Variants in TKFC observed in about 807,000 individuals in gnomAD.
TKFC encodes triokinase and FMN cyclase, also known as triokinase/FMN cyclase.
In TKFC, 46 loss-of-function variants were observed where a neutral mutation model predicts 61.0. The ratio of observed to expected loss-of-function variants is 0.75; its 90% CI spans 0.60 to 0.96. The LOEUF is 0.96. Ranked by LOEUF, TKFC falls within the 50% of genes least tolerant of loss-of-function variation. The pLI is 0.00. For missense variants in TKFC, 715 were observed against 777.5 expected, an observed-to-expected ratio of 0.92 and a Z score of 0.96; for synonymous variants, 314 against 330.1, an observed-to-expected ratio of 0.95 and a Z score of 0.53.
At chr11:61,343,562 T>C in intron 11 of TKFC, 104 bp downstream of exon 11, 4 of 1,093,046 alleles carry the variant, frequency 3.7e-6, no homozygotes, top group Non-Finnish European at 5.4e-6. Flanking sequence ...CAATCAGGGC[T>C]CTGGAGCCTG....
chr11:61,347,538 CAAAAAAAAAAAAA>C lies in TKFC; in HGVS notation c.*1045_*1057del. 4 of 876,508 alleles carry C rather than the reference CAAAAAAAAAAAAA, an allele frequency of 4.6e-6. No individual in the cohort carries two copies. Among genetic ancestry groups the C allele is most frequent in the South Asian group, 5.1e-5 (1 of 19,442 alleles). The allele number at this position is 876,508 out of a possible 1,614,324, so 54.3% of individuals were successfully genotyped here. ...TGGGCAACAAAGCGAGACCCTGTCT[CAAAAAAAAAAAAA>C]AAAAAAAAAGAAACTGCAGCCAAGC... On this transcript the variant is annotated 3_prime_UTR_variant, in exon 18 of 18. Coordinates refer to ENST00000394900, the MANE Select transcript of TKFC (RefSeq NM_015533.4).
At chr11:61,343,156 G>A (rs1400351172) in intron 10 of TKFC, 186 bp from the exon 11 acceptor site, 13 of 628,338 alleles carry the variant, frequency 2.1e-5, no homozygotes, top group Non-Finnish European at 2.8e-5. Flanking sequence ...CATCTTCCCC[G>A]ACGTAGGGGA....
chr11:61,343,625 A>C, intron 11 of TKFC, 167 bp downstream of exon 11: 8 of 851,418 alleles, frequency 9.4e-6, no homozygotes, highest in Non-Finnish European at 1.5e-5. Context: ...TCACTGGACT[A>C]GAAGGAGTTG....
Position 61,342,751 on chromosome 11 carries a change from G to C in TKFC, c.776-4G>C. 6.2e-7 allele frequency: 1 copy of C among 1,613,944 alleles called. No individual in the cohort carries two copies. The highest frequency in any genetic ancestry group is 8.5e-7 in the Non-Finnish European group (1 of 1,180,020). Reference sequence around the variant, plus strand: ...CTCACCTGGGGTGTCATGTCTACCCGCAGGCTCCTCAGTTGTGATGATGGT... The same window carrying C: ...CTCACCTGGGGTGTCATGTCTACCCCCAGGCTCCTCAGTTGTGATGATGGT... On this transcript the variant is annotated splice_region_variant and splice_polypyrimidine_tract_variant and intron_variant, in intron 9 of 17. Transcript: ENST00000394900.
intron 5 of TKFC, among the ~76,000 whole-genome samples, chr11:61,340,247 A>G (rs1856800737): frequency 6.6e-6 from 1 of 151,484 alleles, no homozygotes; most frequent in Admixed American, 6.6e-5. Context: ...CCTGACCTCA[A>G]GTGATCTGCC....
chr11:61,346,546 G>GT lies in TKFC; in HGVS notation c.*44dup. The stretch of plus-strand genomic sequence containing the variant: ...CTTGGCCTCAGCTCCTCTCACTGCT[G>GT]TGCTGAGGTGGCCTTTGTCACTTCC... On this transcript the variant is annotated 3_prime_UTR_variant, in exon 18 of 18. Coordinates refer to ENST00000394900, the MANE Select transcript of TKFC (RefSeq NM_015533.4). This position sits in a 1 kb window ranked among gnomAD's most constrained non-coding sequence, Gnocchi z 4.1. 6.7e-7 allele frequency: 1 copy of GT among 1,503,006 alleles called. No homozygotes were observed. The highest frequency in any genetic ancestry group is 8.9e-7 in the Non-Finnish European group (1 of 1,126,800). 93.1% of individuals were successfully genotyped at this position (1,503,006 alleles called of 1,614,324 possible).
Position 61,345,469 on chromosome 11 carries a change from G to A in TKFC, c.1355G>A (p.Gly452Asp). ...CGTTGTCATCTTCCCCAGCTCTATGGCCTGTTCCTGACTGCGGCTGCACAG... is the reference window on the plus strand; with the variant it reads ...CGTTGTCATCTTCCCCAGCTCTATGACCTGTTCCTGACTGCGGCTGCACAG... ...KMGGSSGALY[G>D]LFLTAAAQPL... Residue 452 changes from glycine (G) to aspartate (D), a missense_variant, in exon 15 of 18, where the codon GGC becomes GAC. Coordinates refer to ENST00000394900, the MANE Select transcript of TKFC (RefSeq NM_015533.4). 6.2e-7 allele frequency: 1 copy of A among 1,613,318 alleles called. No individual in the cohort carries two copies. The highest frequency in any genetic ancestry group is 8.5e-7 in the Non-Finnish European group (1 of 1,179,940).
intron 2 of TKFC, among the ~76,000 whole-genome samples, chr11:61,335,067 G>T (rs1372394553): frequency 6.6e-6 from 1 of 152,198 alleles, no homozygotes; most frequent in Non-Finnish European, 1.5e-5. Context: ...GAATCGTGAA[G>T]AATGACCATG....
rs775704737 is a variant in TKFC at position 61,334,687 on chromosome 11, G to A, written c.-42G>A. The A allele has an allele frequency of 1.9e-6, 3 of 1,613,878 alleles. No homozygotes were observed. The African/African-American group carries it at 4.0e-5, about 22-fold the overall frequency. On this transcript the variant is annotated 5_prime_UTR_variant, in exon 2 of 18. It adds an upstream start codon to the 5' untranslated region. Coordinates refer to ENST00000394900, the MANE Select transcript of TKFC (RefSeq NM_015533.4). ...GGATTGTCCATCCTCCAGCAGCTCAGTGCAACGGTGTGAACTCAGCCTGTT... is the reference window on the plus strand; with the variant it reads ...GGATTGTCCATCCTCCAGCAGCTCAATGCAACGGTGTGAACTCAGCCTGTT...
In TKFC at chr11:61,347,466, G is replaced by A. The variant is rs1857184360; in HGVS notation, c.*963G>A. The A allele has an allele frequency of 5.1e-6, 5 of 974,160 alleles. No individual in the cohort carries two copies. The highest frequency in any genetic ancestry group is 6.1e-6 in the Non-Finnish European group (5 of 820,236). 60.3% of individuals were successfully genotyped at this position (974,160 alleles called of 1,614,324 possible). A position where few individuals can be genotyped will look rare whatever the true frequency, so the allele number is the denominator to read the frequency against. ...AGTTGGGAGGATGGCTTGGGCCCAG[G>A]AGGTCGAGGCTGCGGTGAGCCATAA... On this transcript the variant is annotated 3_prime_UTR_variant, in exon 18 of 18. Coordinates refer to ENST00000394900, the MANE Select transcript of TKFC (RefSeq NM_015533.4).
At chr11:61,350,719 G>A (rs1857361611), downstream of TKFC, 5 of 595,188 alleles carry the variant, frequency 8.4e-6, no homozygotes, top group Non-Finnish European at 1.5e-5. Context: ...TGGGGAAGAA[G>A]ATAAGGCCAC....
At chr11:61,338,637 G>A (rs1206964056) in intron 3 of TKFC, among the ~76,000 whole-genome samples, 1 of 152,150 alleles carries the variant, frequency 6.6e-6, no homozygotes, top group Non-Finnish European at 1.5e-5. Flanking sequence ...CCATTCATTT[G>A]GCAAACACTC....
At chr11:61,349,294 C>T, downstream of TKFC, 1 of 470,860 alleles carries the variant, frequency 2.1e-6, no homozygotes, top group South Asian at 2.2e-5. Context: ...CAATGTGGGT[C>T]TCAGCAAGGA....
intron 7 of TKFC, 162 bp from the exon 8 acceptor site, chr11:61,342,299 C>T (rs1416978353): frequency 7.7e-6 from 7 of 907,568 alleles, no homozygotes; most frequent in Non-Finnish European, 1.1e-5. Context: ...AGGCCACAAG[C>T]TCCCAGAGAA....
At position 61,345,916 on chromosome 11, in the gene TKFC, T is replaced by G; in HGVS notation, c.1545T>G (p.Asp515Glu). Reference protein sequence around the residue: ...ELQAWKSPGADLLQVLTKAVK... With the variant: ...ELQAWKSPGAELLQVLTKAVK... ...AAGCCTGGAAGAGCCCAGGAGCTGATCTGTTACAAGTCCTGACCAAAGCAG... is the reference window on the plus strand; with the variant it reads ...AAGCCTGGAAGAGCCCAGGAGCTGAGCTGTTACAAGTCCTGACCAAAGCAG... Residue 515 changes from aspartate to glutamate, a missense_variant, in exon 17 of 18, where the codon GAT (aspartate) becomes GAG (glutamate). Asp to Glu is a conservative substitution (Grantham distance 45). Coordinates refer to ENST00000394900, the MANE Select transcript of TKFC (RefSeq NM_015533.4). 1 of 1,614,020 alleles carries G rather than the reference T, an allele frequency of 6.2e-7. No individual in the cohort carries two copies. The highest frequency in any genetic ancestry group is 8.5e-7 in the Non-Finnish European group (1 of 1,180,032).
intron 1 of TKFC, 184 bp from the exon 2 acceptor site, chr11:61,334,436 C>T: frequency 2.4e-6 from 1 of 417,508 alleles, no homozygotes; most frequent in Non-Finnish European, 4.5e-6. Flanking sequence ...TGTCTTCTGG[C>T]AGTGAAGTGC....
intron 10 of TKFC, 150 bp from the exon 11 acceptor site, chr11:61,343,192 T>C: frequency 1.4e-6 from 1 of 717,052 alleles, no homozygotes; most frequent in South Asian, 1.8e-5. Flanking sequence ...TGGTCATTTG[T>C]GGGGTTATTG....
rs369626074 is a variant in TKFC, at chr11:61,339,240, G to T, written c.305-14G>T. ...CACAGTAAGCACACTGAGCCCTTCC[G>T]GCTGCTCCCGCAGTGGGGACGCTCC... is the stretch of plus-strand genomic sequence containing the variant. On this transcript the variant is annotated splice_polypyrimidine_tract_variant and intron_variant, in intron 4 of 17. Transcript: ENST00000394900. The T allele has an allele frequency of 6.8e-6, 11 of 1,611,708 alleles. No homozygotes were observed. The highest frequency in any genetic ancestry group is 9.3e-6 in the Non-Finnish European group (11 of 1,178,636).
rs201153340 is a variant in TKFC at position 61,346,532 on chromosome 11, C to T, written c.*29C>T. The stretch of plus-strand genomic sequence containing the variant: ...GTGTGACTGCCTCCCTTGGCCTCAG[C>T]TCCTCTCACTGCTGTGCTGAGGTGG... On this transcript the variant is annotated 3_prime_UTR_variant, in exon 18 of 18. Transcript: ENST00000394900. The surrounding 1 kb of genome is among the most constrained non-coding windows in gnomAD (Gnocchi z 4.1). 3.3e-4 allele frequency: 512 copies of T among 1,571,966 alleles called. 3 individuals are homozygous for T. The African/African-American group carries it at 6.4e-3, about 20-fold the overall frequency.
Sources: gnomAD v4.1 joint callset for allele counts (sites outside exome capture counted in the v4.1 genomes callset) on GRCh38, gnomAD v4.1.1 for gene constraint, Gnocchi (gnomAD v3.1) non-coding constraint, MANE v1.5 for transcripts, NCBI Gene and HGNC (gene_info 2026-07-23, HGNC 2026-07-21) for gene names.